Variants in CEP63 observed in about 807,000 individuals in gnomAD.
CEP63 encodes centrosomal protein of 63 kDa.
Under a neutral mutation model 89.1 loss-of-function variants are expected in CEP63, and 84 were observed. That is an observed-to-expected ratio of 0.94 (90% CI 0.79 to 1.13). The LOEUF (loss-of-function observed/expected upper bound fraction) is 1.13. Ranked by LOEUF, CEP63 falls within the 50% of genes most tolerant of loss-of-function variation. CEP63 has a pLI of 0.00. For synonymous variants in CEP63, 267 were observed against 272.5 expected (o/e 0.98, Z 0.20); for missense variants, 838 against 813.3 (o/e 1.03, Z -0.37).
At chr3:134,771,350 A>T in the CEP63 span, among the ~76,000 whole-genome samples, 481 of 152,344 alleles carry the variant, frequency 3.2e-3, 1 homozygote, top group African/African-American at 0.011. Context: ...CAGCAAACTA[A>T]CACAAGAACA....
downstream of CEP63, among the ~76,000 whole-genome samples, chr3:134,566,120 A>G (rs1005414106): frequency 1.7e-5 from 1 of 59,630 alleles, no homozygotes; most frequent in Non-Finnish European, 3.1e-5. Flanking sequence ...TCAGACATAC[A>G]ATTCACATCT....
chr3:134,542,983 T>C (rs1396790306), intron 6 of CEP63, among the ~76,000 whole-genome samples: 4 of 151,828 alleles, frequency 2.6e-5, no homozygotes, highest in Non-Finnish European at 5.9e-5. Flanking sequence ...TTAAAATACC[T>C]CTAAAGCCAG....
the CEP63 span, among the ~76,000 whole-genome samples, chr3:134,652,013 G>T: frequency 6.6e-6 from 1 of 152,144 alleles, no homozygotes; most frequent in Non-Finnish European, 1.5e-5. Flanking sequence ...CCCCGCATTG[G>T]AGTGTATGGA....
the CEP63 span, among the ~76,000 whole-genome samples, chr3:134,605,637 C>T: frequency 1.3e-5 from 2 of 152,102 alleles, no homozygotes; most frequent in African/African-American, 2.4e-5. Flanking sequence ...CACATACTGC[C>T]CACTCCGCAC....
rs1954477893 is a variant in CEP63 at position 134,550,117 on chromosome 3, A to G, written c.1237A>G (p.Met413Val). ...EQSYSSALEG[M>V]KMEISHLTQE... ...AAGTTACAGTTCTGCACTAGAAGGA[A>G]TGAAGATGGAAATCTCCCATCTAAC... is the stretch of plus-strand genomic sequence containing the variant. Residue 413 changes from methionine to valine, a missense_variant, in exon 11 of 15, where the codon ATG becomes GTG. Met to Val is a conservative substitution (Grantham distance 21, BLOSUM62 1). Transcript: ENST00000675561. The G allele has an allele frequency of 1.2e-6, 2 of 1,613,968 alleles. No individual in the cohort carries two copies. Among genetic ancestry groups the G allele is most frequent in the African/African-American group, 1.3e-5 (1 of 75,054 alleles).
chr3:134,751,205 G>A, the CEP63 span, among the ~76,000 whole-genome samples: 1 of 152,130 alleles, frequency 6.6e-6, no homozygotes, highest in African/African-American at 2.4e-5. Context: ...GTCCATCCAT[G>A]TTGTAGAATG....
intron 6 of CEP63, among the ~76,000 whole-genome samples, chr3:134,544,226 A>T (rs897017006): frequency 3.3e-5 from 5 of 152,316 alleles, no homozygotes; most frequent in Admixed American, 2.0e-4. Flanking sequence ...CTTTAGAAAT[A>T]TTTCGAGTAA....
chr3:134,558,383 T>G, intron 13 of CEP63, 36 bp downstream of exon 13: 1 of 1,295,850 alleles, frequency 7.7e-7, no homozygotes, highest in Non-Finnish European at 1.1e-6. Flanking sequence ...AAATGTGTAT[T>G]GGTACAATAT....
At chr3:134,548,868 CGTT>C (rs1954189076) in intron 9 of CEP63, among the ~76,000 whole-genome samples, 191 bp from the exon 10 acceptor site, 1 of 152,080 alleles carries the variant, frequency 6.6e-6, no homozygotes, top group African/African-American at 2.4e-5. Context: ...TTATTTTTGA[CGTT>C]GGGACAACAG....
rs542851491 is a variant in CEP63, at chr3:134,491,414, G to C, written c.-25-3882G>C. Among the ~76,000 whole-genome samples the C allele has an allele frequency of 2.0e-5, 3 of 152,008 alleles. No homozygotes were observed. In the East Asian group the frequency reaches 5.8e-4, roughly 29 times the overall value. On this transcript the variant is annotated intron_variant, in intron 1 of 14. Coordinates refer to ENST00000675561, the MANE Select transcript of CEP63 (RefSeq NM_001353108.3). ...TCGCCCATGTTTCTATAGATTTTTT[G>C]CCTAATCTTTTATAAGCTCCTTATA... is the stretch of plus-strand genomic sequence containing the variant.
chr3:134,615,228 C>G, the CEP63 span: 1 of 152,546 alleles, frequency 6.6e-6, no homozygotes, highest in Non-Finnish European at 1.5e-5. Context: ...GAGGCCTCCT[C>G]TCTGAAGGTG....
Position 134,537,196 on chromosome 3 carries a change from G to C in CEP63, c.483G>C (p.Leu161Phe), listed in dbSNP as rs1950929905. The change falls in exon 6 of 15, where the codon TTG becomes TTC. Residue 161 changes from leucine (L) to phenylalanine (F), a missense_variant. Leu to Phe is a conservative substitution (Grantham distance 22, BLOSUM62 0). Transcript: ENST00000675561. Reference sequence around the variant, plus strand: ...CGCTGGACTGGGAGAAGCAACGCTTGATTTATCAGCAACAGGTATCTTCAC... The same window carrying C: ...CGCTGGACTGGGAGAAGCAACGCTTCATTTATCAGCAACAGGTATCTTCAC... ...QKSLDWEKQR[L>F]IYQQQVSSLE... is the part of the protein sequence containing the mutation. 2 of 1,614,016 alleles carry C rather than the reference G, an allele frequency of 1.2e-6. No homozygotes were observed. Among genetic ancestry groups the C allele is most frequent in the Non-Finnish European group, 1.7e-6 (2 of 1,179,866 alleles).
At chr3:134,609,741 A>G in the CEP63 span, among the ~76,000 whole-genome samples, 8 of 152,134 alleles carry the variant, frequency 5.3e-5, no homozygotes, top group Non-Finnish European at 1.2e-4. Context: ...CCCTTTCCTC[A>G]GAAATGTGAT....
the CEP63 span, among the ~76,000 whole-genome samples, chr3:134,628,742 C>T: frequency 0.026 from 3,934 of 152,210 alleles, 74 homozygotes; most frequent in South Asian, 0.054. Flanking sequence ...GAGGCAGATT[C>T]GCTTATTTTC....
At chr3:134,741,008 T>C in the CEP63 span, among the ~76,000 whole-genome samples, 1 of 152,176 alleles carries the variant, frequency 6.6e-6, no homozygotes, top group Non-Finnish European at 1.5e-5. Context: ...CTCTCTGTTA[T>C]TTAAGGAAGA....
At chr3:134,641,225 G>A in the CEP63 span, 1 of 152,178 alleles carries the variant, frequency 6.6e-6, no homozygotes, top group Admixed American at 6.5e-5. Flanking sequence ...ATTGTCCCCT[G>A]GGATAGGCTG....
chr3:134,486,264 T>C (rs1935286942), intron 1 of CEP63, 62 bp downstream of exon 1: 7 of 985,510 alleles, frequency 7.1e-6, no homozygotes, highest in Non-Finnish European at 8.4e-6. Flanking sequence ...GTGCGCAAGT[T>C]GGAGGGGCAA....
chr3:134,723,893 G>T, the CEP63 span, among the ~76,000 whole-genome samples: 1 of 152,220 alleles, frequency 6.6e-6, no homozygotes, highest in Non-Finnish European at 1.5e-5. Flanking sequence ...CTCTAGAAGA[G>T]TATTTTGGAG....
At chr3:134,601,720 C>A in the CEP63 span, among the ~76,000 whole-genome samples, 2 of 152,350 alleles carry the variant, frequency 1.3e-5, no homozygotes, top group South Asian at 2.1e-4. Flanking sequence ...AGGGGAGACA[C>A]CCCTTTTGCT....
Sources: allele counts gnomAD v4.1 joint callset (sites outside exome capture counted in the v4.1 genomes callset), GRCh38; gene constraint gnomAD v4.1.1; transcripts MANE v1.5; gene names NCBI Gene and HGNC (gene_info 2026-07-23, HGNC 2026-07-21).